DOCK7: variants seen among roughly 807,000 people sequenced by gnomAD.
DOCK7 encodes the protein dedicator of cytokinesis protein 7.
A neutral mutation model predicts 271.0 loss-of-function variants in DOCK7; 138 were observed. The observed-to-expected ratio is 0.51, with a 90% CI of 0.44 to 0.59. DOCK7 has a LOEUF of 0.59. Among genes scored for constraint, DOCK7 ranks in the 20% least tolerant of loss-of-function variants. DOCK7 has a pLI of 0.00. For synonymous variants in DOCK7, 823 were observed against 876.1 expected, an observed-to-expected ratio of 0.94 and a Z score of 1.07; for missense variants, 2,066 against 2,592.4, an observed-to-expected ratio of 0.80 and a Z score of 4.41.
At chr1:62,455,493 G>T (rs1321730744) in intron 49 of DOCK7, 37 bp from the exon 50 acceptor site, 1 of 1,601,510 alleles carries the variant, frequency 6.2e-7, no homozygotes, top group Admixed American at 1.7e-5. Flanking sequence ...TAGTTAAAGA[G>T]AACAATTTTT....
At chr1:62,568,932 T>C (rs568093865) in intron 18 of DOCK7, among the ~76,000 whole-genome samples, 1 of 151,192 alleles carries the variant, frequency 6.6e-6, no homozygotes, top group Non-Finnish European at 1.5e-5. Flanking sequence ...CCCACAGAAA[T>C]ACAAACGACC....
At chr1:62,461,851 C>A (rs1050471178) in intron 48 of DOCK7, among the ~76,000 whole-genome samples, 1 of 150,862 alleles carries the variant, frequency 6.6e-6, no homozygotes, top group African/African-American at 2.4e-5. Flanking sequence ...GCGGGCGGAT[C>A]ACCTGAGGTC....
intron 28 of DOCK7, among the ~76,000 whole-genome samples, chr1:62,536,185 T>A (rs186074421): frequency 6.6e-6 from 1 of 152,280 alleles, no homozygotes; most frequent in Non-Finnish European, 1.5e-5. Flanking sequence ...TCAGGACTCA[T>A]GTGGGGTTTC....
At chr1:62,515,817 G>A (rs1318433645) in intron 31 of DOCK7, among the ~76,000 whole-genome samples, 1 of 152,186 alleles carries the variant, frequency 6.6e-6, no homozygotes, top group Non-Finnish European at 1.5e-5. Flanking sequence ...AATGTGTTCT[G>A]CCAGATATCT....
intron 27 of DOCK7, 95 bp from the exon 28 acceptor site, chr1:62,538,156 A>C: frequency 2.2e-6 from 3 of 1,339,134 alleles, no homozygotes; most frequent in Non-Finnish European, 3.0e-6. Context: ...AAGAGATAGT[A>C]CTTGGTATCC....
chr1:62,563,911 C>T (rs577524742), intron 18 of DOCK7, among the ~76,000 whole-genome samples: 7 of 123,288 alleles, frequency 5.7e-5, no homozygotes, highest in East Asian at 2.6e-4. Flanking sequence ...AAAAGGCAGG[C>T]GTTGTAATCC....
In DOCK7 at chr1:62,475,725, A is replaced by T. The variant is rs1390788197; in HGVS notation, c.5943T>A (p.Asn1981Lys). 1.2e-6 allele frequency: 2 copies of T among 1,613,918 alleles called. No homozygotes were observed. The highest frequency in any genetic ancestry group is 4.5e-5 in the East Asian group (2 of 44,858). Reference sequence around the variant, plus strand: ...GACTTACCTCTTCTTTATGAGTGACATTGACCCTTGTTTTAATATAAGGAA... The same window carrying T: ...GACTTACCTCTTCTTTATGAGTGACTTTGACCCTTGTTTTAATATAAGGAA... ...HAFPYIKTRV[N>K]VTHKEEIILT... is the part of the protein sequence containing the mutation. Residue 1981 changes from asparagine (N) to lysine (K), a missense_variant, in exon 46 of 50, where the codon AAT becomes AAA. By Grantham distance (94) the Asn-to-Lys change is moderately conservative. Transcript: ENST00000635253.
intron 14 of DOCK7, among the ~76,000 whole-genome samples, chr1:62,594,214 G>A (rs948249836): frequency 2.6e-5 from 4 of 152,102 alleles, no homozygotes; most frequent in African/African-American, 9.7e-5. Flanking sequence ...GCTTTTAGCA[G>A]TGTGTACTCA....
chr1:62,513,784 G>C lies in DOCK7; in HGVS notation c.4051C>G (p.Leu1351Val). Reference sequence around the variant, plus strand: ...AGCCGGTTTAGCTGCAAGACTGAGAGATCTGTAAACCACTTCTGTAGAACT... The same window carrying C: ...AGCCGGTTTAGCTGCAAGACTGAGACATCTGTAAACCACTTCTGTAGAACT... ...ETVLQKWFTD[L>V]SVLQLNRLLD... The change falls in exon 32 of 50, where the codon CTC becomes GTC. Residue 1351 changes from leucine to valine, a missense_variant. Leu to Val is a conservative substitution (Grantham distance 32). Transcript: ENST00000635253. 1 of 1,614,150 alleles carries C rather than the reference G, an allele frequency of 6.2e-7. No homozygotes were observed. The highest frequency in any genetic ancestry group is 8.5e-7 in the Non-Finnish European group (1 of 1,180,018).
rs1452809048 is a variant in DOCK7, at chr1:62,455,419, G to C, written c.6418C>G (p.Leu2140Val). ...ATAAAACAAGTGCATTCAGTTTAGA[G>C]ATCCATTTTGCGAAGGCTCATTCGA... The part of the protein sequence containing the change: ...FSRMSLRKMD[L>V] The change falls in exon 50 of 50, where the codon CTC (leucine) becomes GTC (valine). Residue 2140 changes from leucine to valine, a missense_variant. Leu to Val is a conservative substitution (Grantham distance 32, BLOSUM62 1). Transcript: ENST00000635253. 1 of 1,613,476 alleles carries C rather than the reference G, an allele frequency of 6.2e-7. No homozygotes were observed. Among genetic ancestry groups the C allele is most frequent in the Non-Finnish European group, 8.5e-7 (1 of 1,179,798 alleles).
At chr1:62,649,188 T>C (rs372883103) in intron 4 of DOCK7, among the ~76,000 whole-genome samples, 4 of 152,286 alleles carry the variant, frequency 2.6e-5, no homozygotes, top group African/African-American at 9.6e-5. Context: ...AAATATGAGC[T>C]GATCAAAAAG....
chr1:62,652,490 A>C (rs1255657966), intron 4 of DOCK7, among the ~76,000 whole-genome samples: 1 of 152,070 alleles, frequency 6.6e-6, no homozygotes, highest in African/African-American at 2.4e-5. Context: ...GAAGTTACCT[A>C]ACTACTCTGA....
At chr1:62,645,182 C>G (rs1452188402) in intron 7 of DOCK7, among the ~76,000 whole-genome samples, 1 of 152,066 alleles carries the variant, frequency 6.6e-6, no homozygotes, top group African/African-American at 2.4e-5. Flanking sequence ...CTATACTAAC[C>G]ATAATTCCTA....
At chr1:62,642,525 G>A (rs1031136235) in intron 7 of DOCK7, among the ~76,000 whole-genome samples, 13 of 151,572 alleles carry the variant, frequency 8.6e-5, no homozygotes, top group African/African-American at 1.9e-4. Context: ...TTTTTTAATG[G>A]TTACTCAAGA....
chr1:62,505,565 A>G (rs558164589), intron 36 of DOCK7, 117 bp downstream of exon 36: 3 of 1,128,232 alleles, frequency 2.7e-6, no homozygotes, highest in African/African-American at 3.2e-5. Context: ...AATTTTAACT[A>G]CACATATTCA....
chr1:62,576,809 G>T (rs1262629781), intron 18 of DOCK7, among the ~76,000 whole-genome samples: 1 of 152,050 alleles, frequency 6.6e-6, no homozygotes, highest in African/African-American at 2.4e-5. Flanking sequence ...TGTATTACAG[G>T]TTCACAGCTA....
intron 1 of DOCK7, among the ~76,000 whole-genome samples, chr1:62,666,564 T>C (rs989360145): frequency 1.3e-5 from 2 of 152,178 alleles, no homozygotes; most frequent in African/African-American, 2.4e-5. Context: ...AAAGATTTCA[T>C]AAAATGGTAG....
At position 62,538,073 on chromosome 1, in the gene DOCK7, T is replaced by C; in HGVS notation, c.3301-12A>G. 1 of 1,608,442 alleles carries C rather than the reference T, an allele frequency of 6.2e-7. No individual in the cohort carries two copies. The highest frequency in any genetic ancestry group is 8.5e-7 in the Non-Finnish European group (1 of 1,176,930). On this transcript the variant is annotated splice_polypyrimidine_tract_variant and intron_variant, in intron 27 of 49. Coordinates refer to ENST00000635253, the MANE Select transcript of DOCK7 (RefSeq NM_001367561.1). ...AGCTTTGAAGACACCTTGTAAGCAA[T>C]GCATAAGTAAGAGAACACCAATTGA...
At chr1:62,616,970 G>T (rs751401503) in intron 14 of DOCK7, among the ~76,000 whole-genome samples, 76 of 151,402 alleles carry the variant, frequency 5.0e-4, no homozygotes, top group Non-Finnish European at 8.9e-4. Flanking sequence ...TGAGAGTAAA[G>T]GTAAAGATAC....
Sources: gnomAD v4.1 joint callset for allele counts (sites outside exome capture counted in the v4.1 genomes callset) on GRCh38, gnomAD v4.1.1 for gene constraint, MANE v1.5 for transcripts, NCBI Gene and HGNC (gene_info 2026-07-23, HGNC 2026-07-21) for gene names.